Variants in CDH13 observed in about 807,000 individuals in gnomAD.
CDH13 encodes the protein cadherin 13.
CDH13 carries 24 observed loss-of-function variants against 63.8 expected under a neutral mutation model. The observed-to-expected ratio is 0.38, with a 90% CI of 0.27 to 0.53. The LOEUF is 0.53. Ranked by LOEUF, CDH13 falls within the 20% of genes least tolerant of loss-of-function variation. The pLI, the probability that CDH13 is intolerant of heterozygous loss-of-function variation, is 0.85. For synonymous variants in CDH13, 503 were observed against 355.3 expected, an observed-to-expected ratio of 1.42 and a Z score of -4.67; for missense variants, 1,049 against 903.1, an observed-to-expected ratio of 1.16 and a Z score of -2.07.
chr16:82,747,720 A>G (rs1302035152), intron 1 of CDH13, among the ~76,000 whole-genome samples: 1 of 152,214 alleles, frequency 6.6e-6, no homozygotes, highest in Non-Finnish European at 1.5e-5. Context: ...CTTACAAATT[A>G]GTCTTTTCAA....
chr16:83,590,844 A>C (rs140253327), intron 7 of CDH13, among the ~76,000 whole-genome samples: 176 of 151,600 alleles, frequency 1.2e-3, no homozygotes, highest in African/African-American at 3.8e-3. Flanking sequence ...GAACCTTCTG[A>C]ATCATAAATG....
intron 4 of CDH13, among the ~76,000 whole-genome samples, chr16:83,135,750 A>G: frequency 6.6e-6 from 1 of 152,378 alleles, no homozygotes. Context: ...CACAACTCAC[A>G]ATTGCAAAAT....
At chr16:83,542,524 C>G (rs963068221) in intron 7 of CDH13, among the ~76,000 whole-genome samples, 1 of 152,234 alleles carries the variant, frequency 6.6e-6, no homozygotes, top group Admixed American at 6.5e-5. Flanking sequence ...GGTAACAAAG[C>G]ATCATAAACT....
At chr16:83,011,539 T>C (rs539085761) in intron 2 of CDH13, among the ~76,000 whole-genome samples, 3 of 152,286 alleles carry the variant, frequency 2.0e-5, no homozygotes, top group African/African-American at 7.2e-5. Context: ...CTTGAAAGGC[T>C]GTCTCTTTCC....
intron 1 of CDH13, among the ~76,000 whole-genome samples, chr16:82,696,671 CAGTT>C (rs1440606921): frequency 2.0e-5 from 3 of 152,194 alleles, no homozygotes; most frequent in African/African-American, 7.2e-5. Flanking sequence ...TTCTTCAACT[CAGTT>C]AGGTCAACTG....
intron 3 of CDH13, among the ~76,000 whole-genome samples, chr16:83,050,760 T>A (rs2030229689): frequency 6.6e-6 from 1 of 152,164 alleles, no homozygotes; most frequent in Non-Finnish European, 1.5e-5. Flanking sequence ...TGAACGCTCA[T>A]ACTGGGGTTA....
intron 5 of CDH13, among the ~76,000 whole-genome samples, chr16:83,224,650 A>G (rs1431940047): frequency 1.3e-5 from 2 of 152,232 alleles, no homozygotes; most frequent in South Asian, 2.1e-4. Flanking sequence ...CGTGAACCAT[A>G]TGAAATTGCC....
chr16:83,234,803 G>A (rs1464296159), intron 5 of CDH13, among the ~76,000 whole-genome samples: 4 of 152,212 alleles, frequency 2.6e-5, no homozygotes, highest in Non-Finnish European at 4.4e-5. Flanking sequence ...TTAGGAAAGT[G>A]TCTGGAAAAA....
intron 6 of CDH13, among the ~76,000 whole-genome samples, chr16:83,394,145 A>G (rs867660151): frequency 6.6e-6 from 1 of 152,254 alleles, no homozygotes; most frequent in African/African-American, 2.4e-5. Context: ...ATTGGTTACT[A>G]GGCTTAGCAC....
chr16:83,138,137 G>C (rs1381901425), intron 4 of CDH13, among the ~76,000 whole-genome samples: 1 of 152,216 alleles, frequency 6.6e-6, no homozygotes, highest in South Asian at 2.1e-4. Flanking sequence ...TGTTGCATCG[G>C]GTGGTTTGGG....
At chr16:83,634,131 G>GTA (rs1911039033) in intron 8 of CDH13, among the ~76,000 whole-genome samples, 1 of 67,514 alleles carries the variant, frequency 1.5e-5, no homozygotes, top group African/African-American at 3.8e-5. Flanking sequence ...GTGTGTGTGT[G>GTA]TGTATGTGTG....
chr16:83,431,760 A>G lies in CDH13; in HGVS notation c.782-54717A>G, dbSNP rs560842129. 3.0e-4 allele frequency among the ~76,000 whole-genome samples: 46 copies of G among 152,230 alleles called. No homozygotes were observed. In the South Asian group the frequency reaches 9.5e-3, roughly 32 times the overall value. On this transcript the variant is annotated intron_variant, in intron 6 of 13. Coordinates refer to ENST00000567109, the MANE Select transcript of CDH13 (RefSeq NM_001257.5). ...AACTCACTCTCATGAGGATAGCACC[A>G]AGGGGATGGCACTAAACCATTCGCA...
intron 2 of CDH13, among the ~76,000 whole-genome samples, chr16:82,938,519 A>C (rs1376751023): frequency 6.6e-6 from 1 of 152,218 alleles, no homozygotes; most frequent in Non-Finnish European, 1.5e-5. Flanking sequence ...ATGTCTCAGC[A>C]TGGCACTGCC....
At chr16:82,970,165 G>A (rs1223763906) in intron 2 of CDH13, among the ~76,000 whole-genome samples, 1 of 152,018 alleles carries the variant, frequency 6.6e-6, no homozygotes, top group Non-Finnish European at 1.5e-5. Context: ...ACTCAGGAAT[G>A]AGAACATGTG....
At chr16:82,711,582 C>T (rs1655547379) in intron 1 of CDH13, among the ~76,000 whole-genome samples, 1 of 152,174 alleles carries the variant, frequency 6.6e-6, no homozygotes, top group South Asian at 2.1e-4. Flanking sequence ...GACCTACCTT[C>T]TTATTGCACA....
chr16:82,933,101 G>T (rs2042551367), intron 2 of CDH13, among the ~76,000 whole-genome samples: 1 of 152,056 alleles, frequency 6.6e-6, no homozygotes. Flanking sequence ...CAGGGTTGGG[G>T]GAGTGATATT....
At chr16:82,938,599 C>T (rs1284761889) in intron 2 of CDH13, among the ~76,000 whole-genome samples, 3 of 152,132 alleles carry the variant, frequency 2.0e-5, no homozygotes, top group Non-Finnish European at 2.9e-5. Context: ...AGTGGGGACA[C>T]ATGAGATGAC....
At chr16:83,059,535 C>G (rs1319776335) in intron 3 of CDH13, among the ~76,000 whole-genome samples, 1 of 152,076 alleles carries the variant, frequency 6.6e-6, no homozygotes, top group Non-Finnish European at 1.5e-5. Flanking sequence ...GCCTAGGTTT[C>G]TTATGAGAGA....
intron 6 of CDH13, among the ~76,000 whole-genome samples, chr16:83,377,169 C>G (rs143249914): frequency 6.6e-6 from 1 of 152,078 alleles, no homozygotes; most frequent in Non-Finnish European, 1.5e-5. Context: ...ATAAAAGTGA[C>G]AAAATGTTTA....
Sources: allele counts gnomAD v4.1 joint callset (sites outside exome capture counted in the v4.1 genomes callset), GRCh38; gene constraint gnomAD v4.1.1; transcripts MANE v1.5; gene names NCBI Gene and HGNC (gene_info 2026-07-23, HGNC 2026-07-21).